Variants in SYDE1 observed in about 807,000 individuals in gnomAD.
SYDE1 encodes the protein rho GTPase-activating protein SYDE1.
In SYDE1, 34 loss-of-function variants were observed where a neutral mutation model predicts 63.3. That is an observed-to-expected ratio of 0.54 (90% CI 0.41 to 0.71). The LOEUF is 0.71. SYDE1 is among the 30% of genes least tolerant of loss of function. The pLI is 0.00. For synonymous variants in SYDE1, 467 were observed against 473.4 expected (o/e 0.99, Z 0.18); for missense variants, 925 against 1,042.5 (o/e 0.89, Z 1.55).
chr19:15,109,773 C>T lies in SYDE1; in HGVS notation c.500C>T (p.Ser167Phe). 1 of 1,540,604 alleles carries T rather than the reference C, an allele frequency of 6.5e-7. No homozygotes were observed. The highest frequency in any genetic ancestry group is 8.7e-7 in the Non-Finnish European group (1 of 1,146,318). ...TCCCCGGGCCCCGCCAGGCGCCTCT[C>T]CATAAAGATGAAGAAGCTGCCGGAA... ...TKSPGPARRL[S>F]IKMKKLPELR... is the part of the protein sequence containing the mutation. The change falls in exon 3 of 8, where the codon TCC becomes TTC. Residue 167 changes from serine to phenylalanine, a missense_variant. Physicochemically the swap from Ser to Phe is radical, Grantham distance 155. Transcript: ENST00000342784. This position sits in a 1 kb window ranked among gnomAD's most constrained non-coding sequence, Gnocchi z 5.0.
chr19:15,113,263 C>A (rs932083054), intron 7 of SYDE1, among the ~76,000 whole-genome samples: 2 of 152,188 alleles, frequency 1.3e-5, no homozygotes, highest in Non-Finnish European at 2.9e-5. Flanking sequence ...TGGTCTTGAA[C>A]TCCTGACCTC....
chr19:15,110,645 G>T lies in SYDE1; in HGVS notation c.1200G>T (p.Leu400=). 1 of 1,588,892 alleles carries T rather than the reference G, an allele frequency of 6.3e-7. No homozygotes were observed. ...AGCCCCGCGTCTTTGGGCTGCCCCT[G>T]CCACTGCTGGTGGAGCGGGAGCGGC... ...TAEPRVFGLP[L]PLLVERERPP... is the part of the protein sequence containing the mutation. Residue 400 remains leucine, a synonymous_variant, in exon 4 of 8, where the codon CTG becomes CTT. Coordinates refer to ENST00000342784, the MANE Select transcript of SYDE1 (RefSeq NM_033025.6). The surrounding 1 kb of genome is among the most constrained non-coding windows in gnomAD (Gnocchi z 6.9).
Position 15,109,677 on chromosome 19 carries a change from G to T in SYDE1, c.431-27G>T. On this transcript the variant is annotated intron_variant, in intron 2 of 7. Coordinates refer to ENST00000342784, the MANE Select transcript of SYDE1 (RefSeq NM_033025.6). The surrounding 1 kb of genome is among the most constrained non-coding windows in gnomAD (Gnocchi z 5.0). The stretch of plus-strand genomic sequence containing the variant: ...CCCCCTCCCCTAAGCCCAGGTTCCT[G>T]GACCCTGAAGTCTGCTCTCCACACA... 1 of 1,434,354 alleles carries T rather than the reference G, an allele frequency of 7.0e-7. No homozygotes were observed. The allele number at this position is 1,434,354 out of a possible 1,614,324, so 88.9% of individuals were successfully genotyped here. A position where few individuals can be genotyped will look rare whatever the true frequency, so the allele number is the denominator to read the frequency against.
rs2046329200 is a variant in SYDE1 at position 15,109,708 on chromosome 19, A to G, written c.435A>G (p.Ala145=). 5.3e-6 allele frequency: 8 copies of G among 1,497,618 alleles called. No individual in the cohort carries two copies. In the South Asian group the frequency reaches 6.4e-5, roughly 12 times the overall value. The allele number at this position is 1,497,618 out of a possible 1,614,324, so 92.8% of individuals were successfully genotyped here. A position where few individuals can be genotyped will look rare whatever the true frequency, so the allele number is the denominator to read the frequency against. ...AESEGLAPQG[A]APASPPTKAS... ...TGAAGTCTGCTCTCCACACAGGTGC[A>G]GCCCCCGCCAGCCCCCCAACCAAAG... is the stretch of plus-strand genomic sequence containing the variant. Residue 145 remains alanine, a synonymous_variant, in exon 3 of 8, where the codon GCA becomes GCG. Transcript: ENST00000342784. The surrounding 1 kb of genome is among the most constrained non-coding windows in gnomAD (Gnocchi z 5.0).
At position 15,110,510 on chromosome 19, in the gene SYDE1, T is replaced by G. The variant is rs2046338011; in HGVS notation, c.1076-11T>G. 6 of 1,565,618 alleles carry G rather than the reference T, an allele frequency of 3.8e-6. No homozygotes were observed. Among genetic ancestry groups the G allele is most frequent in the African/African-American group, 1.4e-5 (1 of 74,026 alleles). Reference sequence around the variant, plus strand: ...AGAGCACACCCGGCTCAGGCCCCCTTGTGTCCTCAGGGTGCCAGGCCCAAC... The same window carrying G: ...AGAGCACACCCGGCTCAGGCCCCCTGGTGTCCTCAGGGTGCCAGGCCCAAC... On this transcript the variant is annotated splice_polypyrimidine_tract_variant and intron_variant, in intron 3 of 7. Transcript: ENST00000342784. The surrounding 1 kb of genome is among the most constrained non-coding windows in gnomAD (Gnocchi z 6.9).
In SYDE1 at chr19:15,109,065, C is replaced by G; in HGVS notation, c.98C>G (p.Ala33Gly). 1.3e-6 allele frequency: 2 copies of G among 1,498,070 alleles called. No homozygotes were observed. Among genetic ancestry groups the G allele is most frequent in the Non-Finnish European group, 1.8e-6 (2 of 1,128,044 alleles). The allele number at this position is 1,498,070 out of a possible 1,614,324, so 92.8% of individuals were successfully genotyped here. ...CCTTGCTCTCTGCCAGGCCACCCAG[C>G]CCAGCGCCCAGAGCCCAGCCCTCCA... is the stretch of plus-strand genomic sequence containing the variant. ...KSDAKERGHP[A>G]QRPEPSPPEP... Residue 33 changes from alanine to glycine, a missense_variant, in exon 2 of 8, where the codon GCC (alanine) becomes GGC (glycine). Physicochemically the swap from Ala to Gly is moderately conservative, Grantham distance 60. Coordinates refer to ENST00000342784, the MANE Select transcript of SYDE1 (RefSeq NM_033025.6). This position sits in a 1 kb window ranked among gnomAD's most constrained non-coding sequence, Gnocchi z 5.0.
At position 15,109,965 on chromosome 19, in the gene SYDE1, G is replaced by T; in HGVS notation, c.692G>T (p.Ser231Ile). Residue 231 changes from serine to isoleucine, a missense_variant, in exon 3 of 8, where the codon AGC becomes ATC. By Grantham distance (142) the Ser-to-Ile change is moderately radical. This residue lies in a region of SYDE1 where 599 missense variants were observed against 653.7 expected (regional missense o/e 0.92). Coordinates refer to ENST00000342784, the MANE Select transcript of SYDE1 (RefSeq NM_033025.6). The surrounding 1 kb of genome is among the most constrained non-coding windows in gnomAD (Gnocchi z 5.0). ...CGGAGCCCGAGGGCCGGTTACCTCA[G>T]CGACGGGGACTCACCGGAGCGCCCA... ...GTRSPRAGYL[S>I]DGDSPERPAG... is the part of the protein sequence containing the mutation. 3.4e-6 allele frequency: 5 copies of T among 1,477,810 alleles called. No homozygotes were observed. Among genetic ancestry groups the T allele is most frequent in the Non-Finnish European group, 4.5e-6 (5 of 1,122,280 alleles). The allele number at this position is 1,477,810 out of a possible 1,614,324, so 91.5% of individuals were successfully genotyped here.
At position 15,109,645 on chromosome 19, in the gene SYDE1, G is replaced by A; in HGVS notation, c.431-59G>A. 3.7e-6 allele frequency: 4 copies of A among 1,074,972 alleles called. No individual in the cohort carries two copies. The East Asian group carries it at 1.1e-4, about 29-fold the overall frequency. 66.6% of individuals were successfully genotyped at this position (1,074,972 alleles called of 1,614,324 possible). On this transcript the variant is annotated intron_variant, in intron 2 of 7. Coordinates refer to ENST00000342784, the MANE Select transcript of SYDE1 (RefSeq NM_033025.6). This position sits in a 1 kb window ranked among gnomAD's most constrained non-coding sequence, Gnocchi z 5.0. ...ACTCCTTCCCTTCAGGGGAGCACCAGCCTCACCCCCCTCCCCTAAGCCCAG... is the reference window on the plus strand; with the variant it reads ...ACTCCTTCCCTTCAGGGGAGCACCAACCTCACCCCCCTCCCCTAAGCCCAG...
In SYDE1 at chr19:15,108,364, C is replaced by T. The variant is rs2046319973; in HGVS notation, c.89-692C>T. On this transcript the variant is annotated intron_variant, in intron 1 of 7. Coordinates refer to ENST00000342784, the MANE Select transcript of SYDE1 (RefSeq NM_033025.6). The surrounding 1 kb of genome is among the most constrained non-coding windows in gnomAD (Gnocchi z 4.3). ...ACAGAGATGCCCAAACACAAACACACACAGGAAACAGCCCAGGACATGAGA... is the reference window on the plus strand; with the variant it reads ...ACAGAGATGCCCAAACACAAACACATACAGGAAACAGCCCAGGACATGAGA... Among the ~76,000 whole-genome samples, 1 of 152,096 alleles carries T rather than the reference C, an allele frequency of 6.6e-6. No individual in the cohort carries two copies. The highest frequency in any genetic ancestry group is 1.5e-5 in the Non-Finnish European group (1 of 68,036).
chr19:15,111,379 C>G lies in SYDE1; in HGVS notation c.1357C>G (p.Arg453Gly), dbSNP rs371156991. The G allele has an allele frequency of 2.5e-6, 4 of 1,614,088 alleles. No individual in the cohort carries two copies. The highest frequency in any genetic ancestry group is 3.4e-6 in the Non-Finnish European group (4 of 1,179,986). Residue 453 changes from arginine (R) to glycine (G), a missense_variant, in exon 5 of 8, where the codon CGG becomes GGG. Transcript: ENST00000342784. This position sits in a 1 kb window ranked among gnomAD's most constrained non-coding sequence, Gnocchi z 5.5. The part of the protein sequence containing the change: ...VKKELRDAFE[R>G]DSAAVCLSED... Reference sequence around the variant, plus strand: ...GAAAGAGCTTCGGGATGCCTTTGAGCGGGACAGTGCAGCGGTCTGCCTATC... The same window carrying G: ...GAAAGAGCTTCGGGATGCCTTTGAGGGGGACAGTGCAGCGGTCTGCCTATC...
In SYDE1 at chr19:15,108,068, C is replaced by T. The variant is rs544783371; in HGVS notation, c.88+547C>T. On this transcript the variant is annotated intron_variant, in intron 1 of 7. Transcript: ENST00000342784. This position sits in a 1 kb window ranked among gnomAD's most constrained non-coding sequence, Gnocchi z 4.3. ...TTATACAGATGGGGAAACTGAGGCA[C>T]GGAGCAATTGGGTCATGTGCCCAGG... 1.3e-5 allele frequency among the ~76,000 whole-genome samples: 2 copies of T among 152,256 alleles called. No homozygotes were observed. The highest frequency in any genetic ancestry group is 2.9e-5 in the Non-Finnish European group (2 of 68,014).
At position 15,109,129 on chromosome 19, in the gene SYDE1, A is replaced by G. The variant is rs762756797; in HGVS notation, c.162A>G (p.Gly54=). The change falls in exon 2 of 8, where the codon GGA becomes GGG. Residue 54 remains glycine, a synonymous_variant. Transcript: ENST00000342784. This position sits in a 1 kb window ranked among gnomAD's most constrained non-coding sequence, Gnocchi z 5.0. ...AGGCTCCCGAAGGGTCCCAGGCCGG[A>G]GCAGAGGGGCCCTCCAGCCCCGAGG... is the stretch of plus-strand genomic sequence containing the variant. ...EPQAPEGSQA[G]AEGPSSPEAS... 6.5e-7 allele frequency: 1 copy of G among 1,550,116 alleles called. No individual in the cohort carries two copies. The highest frequency in any genetic ancestry group is 2.4e-5 in the East Asian group (1 of 40,956).
chr19:15,112,750 T>A (rs563678194), intron 7 of SYDE1, among the ~76,000 whole-genome samples, 179 bp downstream of exon 7: 1 of 152,342 alleles, frequency 6.6e-6, no homozygotes, highest in East Asian at 1.9e-4. Context: ...TGTCTTTTTT[T>A]ATTTTCATTT....
In SYDE1 at chr19:15,110,337, C is replaced by T. The variant is rs370947226; in HGVS notation, c.1064C>T (p.Thr355Met). The T allele has an allele frequency of 3.0e-5, 43 of 1,430,688 alleles. No individual in the cohort carries two copies. The highest frequency in any genetic ancestry group is 3.4e-5 in the Non-Finnish European group (37 of 1,093,976). The allele number at this position is 1,430,688 out of a possible 1,614,324, so 88.6% of individuals were successfully genotyped here. ...PCAQGTVLLP[T>M]VFRGCQAQQL... is the part of the protein sequence containing the mutation. ...GCCCAGGGCACCGTGCTGCTGCCCA[C>T]GGTCTTCCGAGGTAGGACATGCGGC... is the stretch of plus-strand genomic sequence containing the variant. The change falls in exon 3 of 8, where the codon ACG becomes ATG. Residue 355 changes from threonine to methionine, a missense_variant. Thr to Met is a moderately conservative substitution (Grantham distance 81, BLOSUM62 -1). Around this residue, in one of 3 missense-constraint regions of SYDE1, gnomAD observed 599 missense variants for 653.7 expected, o/e 0.92. Transcript: ENST00000342784. The surrounding 1 kb of genome is among the most constrained non-coding windows in gnomAD (Gnocchi z 6.9).
Position 15,111,033 on chromosome 19 carries a change from G to GT in SYDE1, c.1291-279dup, listed in dbSNP as rs1568329106. On this transcript the variant is annotated intron_variant, in intron 4 of 7. Coordinates refer to ENST00000342784, the MANE Select transcript of SYDE1 (RefSeq NM_033025.6). The surrounding 1 kb of genome is among the most constrained non-coding windows in gnomAD (Gnocchi z 5.5). ...AACTATAACTGGGACTGGAGTTGGG[G>GT]TGGGGTGTACCTAGGGTCTGGGAGA... is the stretch of plus-strand genomic sequence containing the variant. Among the ~76,000 whole-genome samples, 1 of 152,184 alleles carries GT rather than the reference G, an allele frequency of 6.6e-6. No homozygotes were observed. Among genetic ancestry groups the GT allele is most frequent in the Non-Finnish European group, 1.5e-5 (1 of 68,034 alleles).
chr19:15,109,101 C>T lies in SYDE1; in HGVS notation c.134C>T (p.Pro45Leu). The T allele has an allele frequency of 6.5e-7, 1 of 1,538,736 alleles. No homozygotes were observed. Among genetic ancestry groups the T allele is most frequent in the South Asian group, 1.2e-5 (1 of 82,620 alleles). ...GAGCCCAGCCCTCCAGAGCCAGAGC[C>T]CCAGGCTCCCGAAGGGTCCCAGGCC... ...RPEPSPPEPE[P>L]QAPEGSQAGA... Residue 45 changes from proline (P) to leucine (L), a missense_variant, in exon 2 of 8, where the codon CCC becomes CTC. By Grantham distance (98) the Pro-to-Leu change is moderately conservative. Around this residue, in one of 3 missense-constraint regions of SYDE1, gnomAD observed 599 missense variants for 653.7 expected, o/e 0.92. Coordinates refer to ENST00000342784, the MANE Select transcript of SYDE1 (RefSeq NM_033025.6). The surrounding 1 kb of genome is among the most constrained non-coding windows in gnomAD (Gnocchi z 5.0).
At position 15,109,722 on chromosome 19, in the gene SYDE1, C is replaced by A. The variant is rs867383908; in HGVS notation, c.449C>A (p.Pro150His). 2 of 1,521,100 alleles carry A rather than the reference C, an allele frequency of 1.3e-6. No homozygotes were observed. Among genetic ancestry groups the A allele is most frequent in the East Asian group, 2.5e-5 (1 of 40,730 alleles). 94.2% of individuals were successfully genotyped at this position (1,521,100 alleles called of 1,614,324 possible). Reference protein sequence around the residue: ...LAPQGAAPASPPTKASRTKSP... With the variant: ...LAPQGAAPASHPTKASRTKSP... ...CACACAGGTGCAGCCCCCGCCAGCC[C>A]CCCAACCAAAGCCTCCCGCACCAAG... The change falls in exon 3 of 8, where the codon CCC becomes CAC. Residue 150 changes from proline (P) to histidine (H), a missense_variant. This residue lies in a region of SYDE1 where 599 missense variants were observed against 653.7 expected (regional missense o/e 0.92). Coordinates refer to ENST00000342784, the MANE Select transcript of SYDE1 (RefSeq NM_033025.6). The surrounding 1 kb of genome is among the most constrained non-coding windows in gnomAD (Gnocchi z 5.0).
Sources: allele counts gnomAD v4.1 joint callset (sites outside exome capture counted in the v4.1 genomes callset), GRCh38; gene constraint gnomAD v4.1.1; regional missense constraint gnomAD v4.1.1; non-coding constraint Gnocchi (gnomAD v3.1); transcripts MANE v1.5; gene names NCBI Gene and HGNC (gene_info 2026-07-23, HGNC 2026-07-21).